LGALSL: variants seen among roughly 807,000 people sequenced by gnomAD.
LGALSL encodes the protein galectin like, also known as galectin-related protein.
LGALSL carries 13 observed loss-of-function variants against 19.5 expected under a neutral mutation model. That is an observed-to-expected ratio of 0.67 (90% CI 0.43 to 1.06). LGALSL has a LOEUF of 1.06. Among genes scored for constraint, LGALSL ranks in the 50% least tolerant of loss-of-function variants. LGALSL has a pLI of 0.00. For missense variants in LGALSL, 189 were observed against 219.3 expected (o/e 0.86, Z 0.87); for synonymous variants, 86 against 78.3 (o/e 1.10, Z -0.52).
Position 64,454,539 on chromosome 2 carries a change from C to T in LGALSL, c.-7C>T. The T allele has an allele frequency of 6.9e-7, 1 of 1,438,884 alleles. No individual in the cohort carries two copies. The highest frequency in any genetic ancestry group is 9.2e-7 in the Non-Finnish European group (1 of 1,091,846). 89.1% of individuals were successfully genotyped at this position (1,438,884 alleles called of 1,614,324 possible). A position where few individuals can be genotyped will look rare whatever the true frequency, so the allele number is the denominator to read the frequency against. On this transcript the variant is annotated 5_prime_UTR_variant, in exon 1 of 5. Transcript: ENST00000238875. This position sits in a 1 kb window ranked among gnomAD's most constrained non-coding sequence, Gnocchi z 5.1. ...GTCCCACGTACCCCGCCGCGCCGGG[C>T]AAGAAGATGGCGGGATCAGTGGCCG...
intron 1 of LGALSL, among the ~76,000 whole-genome samples, chr2:64,455,065 C>T (rs959723846): frequency 3.3e-5 from 5 of 152,200 alleles, no homozygotes; most frequent in Non-Finnish European, 7.3e-5. Flanking sequence ...GGGGCCTGCC[C>T]TCCTCCGGCG....
chr2:64,459,990 CTTGTCCTGCTTTCCTTTT>C lies in LGALSL; in HGVS notation c.*1566_*1583del, dbSNP rs1490540717. On this transcript the variant is annotated 3_prime_UTR_variant, in exon 5 of 5. Transcript: ENST00000238875. The stretch of plus-strand genomic sequence containing the variant: ...ATACTGTGTCTTGTAATGACACATC[CTTGTCCTGCTTTCCTTTT>C]TTGAGTTTTTTTTTTTTTTTTACAC... The C allele has an allele frequency of 6.6e-6, 1 of 150,658 alleles. No individual in the cohort carries two copies. The highest frequency in any genetic ancestry group is 1.5e-5 in the Non-Finnish European group (1 of 67,852). 9.3% of individuals were successfully genotyped at this position (150,658 alleles called of 1,614,324 possible).
intron 4 of LGALSL, among the ~76,000 whole-genome samples, chr2:64,457,900 A>G (rs1686761591): frequency 6.6e-6 from 1 of 152,206 alleles, no homozygotes; most frequent in Non-Finnish European, 1.5e-5. Context: ...AATGCTCCCA[A>G]CAGCAAAACT....
intron 1 of LGALSL, 113 bp from the exon 2 acceptor site, chr2:64,455,231 G>T: frequency 1.3e-6 from 1 of 773,382 alleles, no homozygotes; most frequent in South Asian, 1.4e-5. Flanking sequence ...ATCATCTGCA[G>T]ACACTGTGTG....
chr2:64,458,161 C>T (rs1686764487), intron 4 of LGALSL, 124 bp from the exon 5 acceptor site: 3 of 867,844 alleles, frequency 3.5e-6, no homozygotes, highest in Non-Finnish European at 5.5e-6. Context: ...CTCTGCAGGT[C>T]TCAATGCATT....
rs1413652359 is a variant in LGALSL, at chr2:64,458,702, A to G, written c.*274A>G. The G allele has an allele frequency of 1.6e-5, 5 of 310,394 alleles. No individual in the cohort carries two copies. The highest frequency in any genetic ancestry group is 1.1e-4 in the African/African-American group (5 of 46,360). The allele number at this position is 310,394 out of a possible 1,614,324, so 19.2% of individuals were successfully genotyped here. Reference sequence around the variant, plus strand: ...TTTGTGATTTGGTAGCAAATTATTCATCTTTTCAAAGCAAGGCAATGCTTA... The same window carrying G: ...TTTGTGATTTGGTAGCAAATTATTCGTCTTTTCAAAGCAAGGCAATGCTTA... On this transcript the variant is annotated 3_prime_UTR_variant, in exon 5 of 5. Transcript: ENST00000238875.
chr2:64,454,667 A>T lies in LGALSL; in HGVS notation c.36+86A>T, dbSNP rs1686702237. 1.0e-6 allele frequency: 1 copy of T among 999,984 alleles called. No individual in the cohort carries two copies. The highest frequency in any genetic ancestry group is 1.3e-6 in the Non-Finnish European group (1 of 781,954). 61.9% of individuals were successfully genotyped at this position (999,984 alleles called of 1,614,324 possible). On this transcript the variant is annotated intron_variant, in intron 1 of 4. Coordinates refer to ENST00000238875, the MANE Select transcript of LGALSL (RefSeq NM_014181.3). This position sits in a 1 kb window ranked among gnomAD's most constrained non-coding sequence, Gnocchi z 5.1. ...CTGCTCCAGCAGTGCTGGGGTGCTG[A>T]GCAGCCGCAGGCCCGGCCGGCGCCC...
In LGALSL at chr2:64,454,670, A is replaced by C. The variant is rs1199520521; in HGVS notation, c.36+89A>C. ...CTCCAGCAGTGCTGGGGTGCTGAGC[A>C]GCCGCAGGCCCGGCCGGCGCCCGGC... On this transcript the variant is annotated intron_variant, in intron 1 of 4. Coordinates refer to ENST00000238875, the MANE Select transcript of LGALSL (RefSeq NM_014181.3). This position sits in a 1 kb window ranked among gnomAD's most constrained non-coding sequence, Gnocchi z 5.1. 2.0e-6 allele frequency: 2 copies of C among 986,236 alleles called. No individual in the cohort carries two copies. Among genetic ancestry groups the C allele is most frequent in the Non-Finnish European group, 2.6e-6 (2 of 769,672 alleles). 61.1% of individuals were successfully genotyped at this position (986,236 alleles called of 1,614,324 possible).
rs796606590 is a variant in LGALSL at position 64,458,769 on chromosome 2, G to A, written c.*341G>A. 12 of 189,580 alleles carry A rather than the reference G, an allele frequency of 6.3e-5. 1 individual carries two copies. Among genetic ancestry groups the A allele is most frequent in the African/African-American group, 1.9e-4 (8 of 43,054 alleles). The allele number at this position is 189,580 out of a possible 1,614,324, so 11.7% of individuals were successfully genotyped here. ...AGACACTTAAAAAGCCAACAACAACGGTACAGTGAAATCAATGCATTTCTG... is the reference window on the plus strand; with the variant it reads ...AGACACTTAAAAAGCCAACAACAACAGTACAGTGAAATCAATGCATTTCTG... On this transcript the variant is annotated 3_prime_UTR_variant, in exon 5 of 5. Transcript: ENST00000238875.
Position 64,459,354 on chromosome 2 carries a change from G to A in LGALSL, c.*926G>A, listed in dbSNP as rs1686782823. On this transcript the variant is annotated 3_prime_UTR_variant, in exon 5 of 5. Coordinates refer to ENST00000238875, the MANE Select transcript of LGALSL (RefSeq NM_014181.3). ...AGTTGTTATTAATCAAAAACACAAA[G>A]AGGTGATTGCTTAGACAATTTTTAA... 6.6e-6 allele frequency: 1 copy of A among 152,118 alleles called. No individual in the cohort carries two copies. Among genetic ancestry groups the A allele is most frequent in the African/African-American group, 2.4e-5 (1 of 41,422 alleles). The allele number at this position is 152,118 out of a possible 1,614,324, so 9.4% of individuals were successfully genotyped here. A position where few individuals can be genotyped will look rare whatever the true frequency, so the allele number is the denominator to read the frequency against.
intron 3 of LGALSL, 74 bp downstream of exon 3, chr2:64,455,751 C>T (rs1686725170): frequency 6.6e-6 from 7 of 1,060,184 alleles, no homozygotes; most frequent in South Asian, 1.3e-5. Flanking sequence ...TGTGGTTTAG[C>T]ACTCCTCTTC....
In LGALSL at chr2:64,458,388, T is replaced by A. The variant is rs1325411548; in HGVS notation, c.479T>A (p.Ile160Lys). The A allele has an allele frequency of 1.2e-6, 2 of 1,613,904 alleles. No homozygotes were observed. The highest frequency in any genetic ancestry group is 2.7e-5 in the African/African-American group (2 of 74,940). ...CAAACGTTATCTGCAATTGACACCATAAAGATAAATGGAGACCTCCAGATC... is the reference window on the plus strand; with the variant it reads ...CAAACGTTATCTGCAATTGACACCAAAAAGATAAATGGAGACCTCCAGATC... Reference protein sequence around the residue: ...RIQTLSAIDTIKINGDLQITK... With the variant: ...RIQTLSAIDTKKINGDLQITK... Residue 160 changes from isoleucine to lysine, a missense_variant, in exon 5 of 5, where the codon ATA (isoleucine) becomes AAA (lysine). Coordinates refer to ENST00000238875, the MANE Select transcript of LGALSL (RefSeq NM_014181.3).
chr2:64,455,819 G>A, intron 3 of LGALSL, 142 bp downstream of exon 3: 1 of 678,986 alleles, frequency 1.5e-6, no homozygotes. Flanking sequence ...ATGTTCCCAT[G>A]AAACGAATAT....
intron 3 of LGALSL, 62 bp from the exon 4 acceptor site, chr2:64,456,225 CT>C (rs1207849752): frequency 6.9e-7 from 1 of 1,445,746 alleles, no homozygotes; most frequent in African/African-American, 1.4e-5. Flanking sequence ...AATATAAGCA[CT>C]TGGGTCATTT....
chr2:64,454,187 G>A lies in LGALSL; in HGVS notation c.-359G>A. 2.6e-6 allele frequency: 1 copy of A among 390,734 alleles called. No individual in the cohort carries two copies. The highest frequency in any genetic ancestry group is 4.5e-6 in the Non-Finnish European group (1 of 220,940). The allele number at this position is 390,734 out of a possible 1,614,324, so 24.2% of individuals were successfully genotyped here. A position where few individuals can be genotyped will look rare whatever the true frequency, so the allele number is the denominator to read the frequency against. On this transcript the variant is annotated 5_prime_UTR_variant, in exon 1 of 5. Coordinates refer to ENST00000238875, the MANE Select transcript of LGALSL (RefSeq NM_014181.3). This position sits in a 1 kb window ranked among gnomAD's most constrained non-coding sequence, Gnocchi z 5.1. Reference sequence around the variant, plus strand: ...GTTCCCGGTTCCCGAGCCGGGCCCCGGAGGCCTTTAAATGCTGCCCAGGGC... The same window carrying A: ...GTTCCCGGTTCCCGAGCCGGGCCCCAGAGGCCTTTAAATGCTGCCCAGGGC...
chr2:64,457,365 A>G (rs559544836), intron 4 of LGALSL, among the ~76,000 whole-genome samples: 1 of 152,084 alleles, frequency 6.6e-6, no homozygotes, highest in Admixed American at 6.5e-5. Context: ...TCAAGGCTGC[A>G]GTGAGCTATG....
rs536244877 is a variant in LGALSL, at chr2:64,458,929, A to G, written c.*501A>G. 1.3e-5 allele frequency: 2 copies of G among 152,424 alleles called. No homozygotes were observed. Among genetic ancestry groups the G allele is most frequent in the Non-Finnish European group, 2.9e-5 (2 of 68,126 alleles). 9.4% of individuals were successfully genotyped at this position (152,424 alleles called of 1,614,324 possible). On this transcript the variant is annotated 3_prime_UTR_variant, in exon 5 of 5. Coordinates refer to ENST00000238875, the MANE Select transcript of LGALSL (RefSeq NM_014181.3). ...TTTTGTTTTGCACAGCATAATGTTA[A>G]TTCAGATTGTTGAAGCTTTCTTGTA...
chr2:64,461,120 T>C lies in LGALSL; in HGVS notation c.*2692T>C, dbSNP rs964383590. ...GCCCCCTGAGAGATCACTTTTAGAA[T>C]TGAGGATTTGTTAAAATGGCAAGTC... On this transcript the variant is annotated 3_prime_UTR_variant, in exon 5 of 5. Coordinates refer to ENST00000238875, the MANE Select transcript of LGALSL (RefSeq NM_014181.3). 6.6e-6 allele frequency: 1 copy of C among 152,168 alleles called. No homozygotes were observed. The highest frequency in any genetic ancestry group is 2.1e-4 in the South Asian group (1 of 4,826). The allele number at this position is 152,168 out of a possible 1,614,324, so 9.4% of individuals were successfully genotyped here.
At position 64,454,634 on chromosome 2, in the gene LGALSL, G is replaced by A. The variant is rs1397412817; in HGVS notation, c.36+53G>A. On this transcript the variant is annotated intron_variant, in intron 1 of 4. Coordinates refer to ENST00000238875, the MANE Select transcript of LGALSL (RefSeq NM_014181.3). The surrounding 1 kb of genome is among the most constrained non-coding windows in gnomAD (Gnocchi z 5.1). ...GCCCCTCCCCGCCGTCCCGCACTCC[G>A]CCGCCGCCTGCTCCAGCAGTGCTGG... The A allele has an allele frequency of 3.2e-6, 4 of 1,238,768 alleles. No homozygotes were observed. The highest frequency in any genetic ancestry group is 2.3e-5 in the South Asian group (1 of 42,948). 76.7% of individuals were successfully genotyped at this position (1,238,768 alleles called of 1,614,324 possible). A position where few individuals can be genotyped will look rare whatever the true frequency, so the allele number is the denominator to read the frequency against.
Sources: allele counts gnomAD v4.1 joint callset (sites outside exome capture counted in the v4.1 genomes callset), GRCh38; gene constraint gnomAD v4.1.1; non-coding constraint Gnocchi (gnomAD v3.1); transcripts MANE v1.5; gene names NCBI Gene and HGNC (gene_info 2026-07-23, HGNC 2026-07-21).